The following NEK1 variants were observed in gnomAD, a reference collection of about 807,000 sequenced individuals.
NEK1 encodes the protein NIMA related kinase 1.
In NEK1, 137 loss-of-function variants were observed where a neutral mutation model predicts 182.1. The observed-to-expected ratio is 0.75, with a 90% confidence interval of 0.65 to 0.87. The LOEUF (loss-of-function observed/expected upper bound fraction) is 0.87. Among genes scored for constraint, NEK1 ranks in the 40% least tolerant of loss-of-function variants. The pLI is 0.00. For missense variants in NEK1, 1,391 were observed against 1,494.4 expected, an observed-to-expected ratio of 0.93 and a Z score of 1.14; for synonymous variants, 513 against 492.2, an observed-to-expected ratio of 1.04 and a Z score of -0.56.
At position 169,485,505 on chromosome 4, in the gene NEK1, T is replaced by C. The variant is rs1330203569; in HGVS notation, c.2008-5971A>G. Reference sequence around the variant, plus strand: ...ATTAACTACATCTTGAGATAAAAGATGATAATGTACTTCTAATTATTGAAA... The same window carrying C: ...ATTAACTACATCTTGAGATAAAAGACGATAATGTACTTCTAATTATTGAAA... On this transcript the variant is annotated intron_variant, in intron 23 of 35. Transcript: ENST00000507142. 3.9e-5 allele frequency among the ~76,000 whole-genome samples: 6 copies of C among 152,324 alleles called. No individual in the cohort carries two copies. The East Asian group carries it at 9.6e-4, about 24-fold the overall frequency.
chr4:169,514,350 T>C (rs1430114079), intron 19 of NEK1, among the ~76,000 whole-genome samples: 2 of 152,154 alleles, frequency 1.3e-5, no homozygotes, highest in Non-Finnish European at 2.9e-5. Context: ...TGTGCTGTCT[T>C]TGGTTATGGT....
In NEK1 at chr4:169,393,760, T is replaced by C. The variant is rs529470189; in HGVS notation, c.*750A>G. ...ACCAAAAGAGCAACTTTAAGCTATA[T>C]GCTAAGTCAGTGTTAAATCCACAGA... On this transcript the variant is annotated 3_prime_UTR_variant, in exon 36 of 36. Coordinates refer to ENST00000507142, the MANE Select transcript of NEK1 (RefSeq NM_001199397.3). 6.6e-6 allele frequency: 1 copy of C among 152,236 alleles called. No individual in the cohort carries two copies. The highest frequency in any genetic ancestry group is 1.5e-5 in the Non-Finnish European group (1 of 68,026). 9.4% of individuals were successfully genotyped at this position (152,236 alleles called of 1,614,324 possible). A position where few individuals can be genotyped will look rare whatever the true frequency, so the allele number is the denominator to read the frequency against.
chr4:169,503,781 T>A (rs1752788838), intron 23 of NEK1, among the ~76,000 whole-genome samples: 1 of 152,004 alleles, frequency 6.6e-6, no homozygotes, highest in Non-Finnish European at 1.5e-5. Context: ...AAGAAAACAC[T>A]GGGGAAACTC....
chr4:169,523,188 C>T (rs1756370672), intron 19 of NEK1, among the ~76,000 whole-genome samples: 1 of 152,154 alleles, frequency 6.6e-6, no homozygotes, highest in East Asian at 1.9e-4. Flanking sequence ...ACATGACTAG[C>T]ACATCAAAGT....
chr4:169,546,287 T>A (rs755938606), intron 18 of NEK1, among the ~76,000 whole-genome samples: 32 of 152,182 alleles, frequency 2.1e-4, no homozygotes, highest in Admixed American at 6.5e-5. Flanking sequence ...CATGGAGTTG[T>A]GCGATTTTGA....
intron 18 of NEK1, among the ~76,000 whole-genome samples, chr4:169,538,376 A>G (rs1403077568): frequency 6.6e-6 from 1 of 152,150 alleles, no homozygotes; most frequent in Non-Finnish European, 1.5e-5. Context: ...ATACAGTAAA[A>G]AGCTATGTTT....
chr4:169,398,686 A>G (rs1263015915), intron 35 of NEK1, among the ~76,000 whole-genome samples: 8 of 152,020 alleles, frequency 5.3e-5, no homozygotes, highest in African/African-American at 1.4e-4. Flanking sequence ...GACTTCCCCA[A>G]ACTTTTTTTT....
At chr4:169,505,343 C>A (rs1233518354) in intron 23 of NEK1, among the ~76,000 whole-genome samples, 2 of 152,000 alleles carry the variant, frequency 1.3e-5, no homozygotes, top group Non-Finnish European at 2.9e-5. Context: ...CCTCAGCCTA[C>A]TCCACCTGAA....
At chr4:169,592,401 G>A (rs1015190761) in intron 5 of NEK1, among the ~76,000 whole-genome samples, 27 of 152,074 alleles carry the variant, frequency 1.8e-4, no homozygotes, top group African/African-American at 6.0e-4. Context: ...CAAGAATGAA[G>A]CACTTCTATG....
Position 169,394,481 on chromosome 4 carries a change from T to C in NEK1, c.*29A>G, listed in dbSNP as rs1490028897. ...TAAGCCAAATTCAAATGCTTTCATATAGTTGAGGATTAAAAAACATTTTGA... is the reference window on the plus strand; with the variant it reads ...TAAGCCAAATTCAAATGCTTTCATACAGTTGAGGATTAAAAAACATTTTGA... On this transcript the variant is annotated 3_prime_UTR_variant, in exon 36 of 36. Coordinates refer to ENST00000507142, the MANE Select transcript of NEK1 (RefSeq NM_001199397.3). The C allele has an allele frequency of 5.3e-6, 7 of 1,326,334 alleles. No homozygotes were observed. Among genetic ancestry groups the C allele is most frequent in the South Asian group, 1.3e-5 (1 of 75,342 alleles). 82.2% of individuals were successfully genotyped at this position (1,326,334 alleles called of 1,614,324 possible). A position where few individuals can be genotyped will look rare whatever the true frequency, so the allele number is the denominator to read the frequency against.
At chr4:169,432,167 G>T (rs1014236561) in intron 29 of NEK1, among the ~76,000 whole-genome samples, 6 of 152,030 alleles carry the variant, frequency 3.9e-5, no homozygotes, top group Non-Finnish European at 7.4e-5. Context: ...CCTATCATAA[G>T]AGCTAGACAA....
chr4:169,427,154 TCTCA>T (rs1168101406), intron 29 of NEK1, among the ~76,000 whole-genome samples: 2 of 152,162 alleles, frequency 1.3e-5, no homozygotes, highest in Non-Finnish European at 2.9e-5. Context: ...TGAGATGGAG[TCTCA>T]CTGTGTTGCC....
At chr4:169,528,928 T>C (rs1757281721) in intron 19 of NEK1, among the ~76,000 whole-genome samples, 3 of 152,232 alleles carry the variant, frequency 2.0e-5, no homozygotes, top group Admixed American at 1.3e-4. Context: ...GTATGTCCTA[T>C]GACCAAAATG....
At chr4:169,606,635 T>C (rs906902333) in intron 2 of NEK1, among the ~76,000 whole-genome samples, 3 of 152,134 alleles carry the variant, frequency 2.0e-5, no homozygotes, top group Non-Finnish European at 2.9e-5. Flanking sequence ...TCCTCTCCCA[T>C]CTTGAAAGAA....
At chr4:169,502,640 C>T (rs573847037) in intron 23 of NEK1, among the ~76,000 whole-genome samples, 27 of 152,096 alleles carry the variant, frequency 1.8e-4, no homozygotes, top group African/African-American at 6.5e-4. Context: ...ATATGATCAC[C>T]TCAATATACA....
chr4:169,611,492 T>C (rs544837469), intron 2 of NEK1, among the ~76,000 whole-genome samples: 1 of 152,316 alleles, frequency 6.6e-6, no homozygotes, highest in South Asian at 2.1e-4. Context: ...TAATCCTTCA[T>C]AAACATTTCT....
At chr4:169,403,773 C>G (rs1338307164) in intron 32 of NEK1, among the ~76,000 whole-genome samples, 1 of 151,814 alleles carries the variant, frequency 6.6e-6, no homozygotes, top group Non-Finnish European at 1.5e-5. Context: ...AGATCTTTTA[C>G]TAAATGAGCA....
At chr4:169,471,282 T>C (rs981599887) in intron 26 of NEK1, among the ~76,000 whole-genome samples, 1 of 152,212 alleles carries the variant, frequency 6.6e-6, no homozygotes, top group Admixed American at 6.5e-5. Flanking sequence ...GTCTTTGATG[T>C]TGGTGACCTT....
intron 28 of NEK1, among the ~76,000 whole-genome samples, chr4:169,435,145 G>GA (rs913719937): frequency 2.0e-5 from 3 of 152,188 alleles, no homozygotes; most frequent in Admixed American, 6.5e-5. Flanking sequence ...TCTGGAGGCT[G>GA]AAGGATCCAA....
Sources: gnomAD v4.1 joint callset for allele counts (sites outside exome capture counted in the v4.1 genomes callset) on GRCh38, gnomAD v4.1.1 for gene constraint, MANE v1.5 for transcripts, NCBI Gene and HGNC (gene_info 2026-07-23, HGNC 2026-07-21) for gene names.